NCKAP1: variants seen among roughly 807,000 people sequenced by gnomAD.
NCKAP1 encodes the protein NCK associated protein 1.
A neutral mutation model predicts 151.2 loss-of-function variants in NCKAP1; 21 were observed. That is an observed-to-expected ratio of 0.14 (90% CI 0.10 to 0.20). The LOEUF is 0.20. Among genes scored for constraint, NCKAP1 ranks in the 10% least tolerant of loss-of-function variants. The pLI, the probability that NCKAP1 is intolerant of heterozygous loss-of-function variation, is 1.00. For missense variants in NCKAP1, 933 were observed against 1,352.1 expected (o/e 0.69, Z 4.86); for synonymous variants, 484 against 451.8 (o/e 1.07, Z -0.90).
chr2:182,934,389 T>TGCCA (rs1170924950), intron 26 of NCKAP1: 1 of 153,678 alleles, frequency 6.5e-6, no homozygotes, highest in African/African-American at 2.4e-5. Flanking sequence ...CCTCGTGATC[T>TGCCA]GCCAGCCTCG....
chr2:182,973,408 A>C (rs1224318506), intron 15 of NCKAP1, among the ~76,000 whole-genome samples: 1 of 152,194 alleles, frequency 6.6e-6, no homozygotes, highest in African/African-American at 2.4e-5. Context: ...AAAAATGCTT[A>C]AGGGACTGAT....
chr2:182,994,800 G>A (rs1336761710), intron 8 of NCKAP1, 39 bp downstream of exon 8: 2 of 1,520,878 alleles, frequency 1.3e-6, no homozygotes, highest in Admixed American at 1.7e-5. Flanking sequence ...AAAACATAAA[G>A]CCTGGGGAGT....
At chr2:182,960,459 C>T (rs1423181294) in intron 18 of NCKAP1, among the ~76,000 whole-genome samples, 2 of 152,134 alleles carry the variant, frequency 1.3e-5, no homozygotes, top group African/African-American at 4.8e-5. Context: ...TTTGACAAAC[C>T]TGAGAAAAAC....
rs564830799 is a variant in NCKAP1 at position 182,912,678 on chromosome 2, G to C, written c.*13024C>G. On this transcript the variant is annotated 3_prime_UTR_variant, in exon 31 of 31. Transcript: ENST00000361354. ...TAATAAAAATGGAATTTGAATGTTA[G>C]AGTGCAACCTGACAAAATGATTTAT... 1 of 152,330 alleles carries C rather than the reference G, an allele frequency of 6.6e-6. No homozygotes were observed. The highest frequency in any genetic ancestry group is 1.9e-4 in the East Asian group (1 of 5,188). The allele number at this position is 152,330 out of a possible 1,614,324, so 9.4% of individuals were successfully genotyped here. A position where few individuals can be genotyped will look rare whatever the true frequency, so the allele number is the denominator to read the frequency against.
At chr2:182,942,240 C>A in intron 23 of NCKAP1, 77 bp from the exon 24 acceptor site, 1 of 1,076,368 alleles carries the variant, frequency 9.3e-7, no homozygotes, top group Non-Finnish European at 1.4e-6. Context: ...TTGGAAATTA[C>A]AATCTGGCAA....
At chr2:183,033,038 G>C (rs1385401398) in intron 1 of NCKAP1, among the ~76,000 whole-genome samples, 2 of 152,164 alleles carry the variant, frequency 1.3e-5, no homozygotes, top group Non-Finnish European at 2.9e-5. Context: ...GACAGAGCTA[G>C]ACCCTGTCTC....
chr2:182,990,417 G>A (rs1252441193), intron 8 of NCKAP1, among the ~76,000 whole-genome samples: 1 of 152,080 alleles, frequency 6.6e-6, no homozygotes, highest in Non-Finnish European at 1.5e-5. Context: ...CTAGGACTTA[G>A]CCCCAATTAT....
intron 2 of NCKAP1, among the ~76,000 whole-genome samples, chr2:183,010,473 C>G (rs1698571782): frequency 6.6e-6 from 1 of 152,144 alleles, no homozygotes; most frequent in Non-Finnish European, 1.5e-5. Context: ...CCCAGTCAAC[C>G]CACAGAATCA....
rs1462080200 is a variant in NCKAP1 at position 183,025,064 on chromosome 2, G to A, written c.109-1148C>T. 1.2e-5 allele frequency: 18 copies of A among 1,474,402 alleles called. 1 individual carries two copies. Among genetic ancestry groups the A allele is most frequent in the Non-Finnish European group, 1.7e-5 (18 of 1,065,710 alleles). The allele number at this position is 1,474,402 out of a possible 1,614,324, so 91.3% of individuals were successfully genotyped here. On this transcript the variant is annotated intron_variant, in intron 1 of 30. Transcript: ENST00000361354. ...CAATGATTGTCAAACTATGATATAC[G>A]TTTCAGAAGAAAACTTATGCACTGC...
chr2:182,964,917 T>G, intron 16 of NCKAP1, 109 bp from the exon 17 acceptor site: 1 of 746,800 alleles, frequency 1.3e-6, no homozygotes, highest in Non-Finnish European at 2.0e-6. Flanking sequence ...CTGGTAGCAC[T>G]GATTTAAGAA....
rs1004650850 is a variant in NCKAP1, at chr2:182,918,913, T to C, written c.*6789A>G. The C allele has an allele frequency of 6.6e-6, 1 of 152,222 alleles. No individual in the cohort carries two copies. Among genetic ancestry groups the C allele is most frequent in the African/African-American group, 2.4e-5 (1 of 41,458 alleles). The allele number at this position is 152,222 out of a possible 1,614,324, so 9.4% of individuals were successfully genotyped here. A position where few individuals can be genotyped will look rare whatever the true frequency, so the allele number is the denominator to read the frequency against. On this transcript the variant is annotated 3_prime_UTR_variant, in exon 31 of 31. Transcript: ENST00000361354. The stretch of plus-strand genomic sequence containing the variant: ...CATTTGAGAGATCTGAGACACAGTT[T>C]AATGAGAAGAACACAACTCTGGGGC...
At chr2:183,003,196 T>A in intron 3 of NCKAP1, 37 bp downstream of exon 3, 1 of 1,292,804 alleles carries the variant, frequency 7.7e-7, no homozygotes, top group Non-Finnish European at 1.1e-6. Context: ...TTAAATCTAC[T>A]TCTGAAGTGT....
chr2:183,002,059 T>A lies in NCKAP1; in HGVS notation c.513-16A>T. 6.2e-7 allele frequency: 1 copy of A among 1,612,842 alleles called. No individual in the cohort carries two copies. Among genetic ancestry groups the A allele is most frequent in the Non-Finnish European group, 8.5e-7 (1 of 1,179,038 alleles). On this transcript the variant is annotated splice_polypyrimidine_tract_variant and intron_variant, in intron 5 of 30. Transcript: ENST00000361354. ...TTCTCTGTCACTTAAAACAGACATA[T>A]CAAATTTCAATGAGTTGTAATCCAT...
At chr2:182,991,051 T>G (rs1698159044) in intron 8 of NCKAP1, among the ~76,000 whole-genome samples, 1 of 152,202 alleles carries the variant, frequency 6.6e-6, no homozygotes, top group South Asian at 2.1e-4. Flanking sequence ...TGTACTTGAC[T>G]TTCCACCCTA....
rs747935163 is a variant in NCKAP1 at position 182,909,467 on chromosome 2, G to T, written c.*16235C>A. 1 of 152,106 alleles carries T rather than the reference G, an allele frequency of 6.6e-6. No homozygotes were observed. The highest frequency in any genetic ancestry group is 6.6e-5 in the Admixed American group (1 of 15,266). 9.4% of individuals were successfully genotyped at this position (152,106 alleles called of 1,614,324 possible). ...TACAATATCTGTTCTTTTGTGGCTG[G>T]CTTATTTCACTCAGCATAATTAATG... On this transcript the variant is annotated 3_prime_UTR_variant, in exon 31 of 31. Transcript: ENST00000361354.
Position 182,909,247 on chromosome 2 carries a change from T to C in NCKAP1, c.*16455A>G, listed in dbSNP as rs188804650. The C allele has an allele frequency of 2.7e-4, 41 of 152,324 alleles. No homozygotes were observed. In the East Asian group the frequency reaches 7.3e-3, roughly 27 times the overall value. The allele number at this position is 152,324 out of a possible 1,614,324, so 9.4% of individuals were successfully genotyped here. A position where few individuals can be genotyped will look rare whatever the true frequency, so the allele number is the denominator to read the frequency against. On this transcript the variant is annotated 3_prime_UTR_variant, in exon 31 of 31. Coordinates refer to ENST00000361354, the MANE Select transcript of NCKAP1 (RefSeq NM_013436.5). ...AACCATTTTTAAGCATACAGTTCTG[T>C]GGCATTAAGTACATTCATGTTGCTG...
rs376444283 is a variant in NCKAP1, at chr2:182,982,835, G to A, written c.1194C>T (p.Asp398=). Residue 398 remains aspartate, a synonymous_variant, in exon 12 of 31, where the codon GAC becomes GAT. Coordinates refer to ENST00000361354, the MANE Select transcript of NCKAP1 (RefSeq NM_013436.5). ...TGCTAACTTACTTATCTATAAAGTCGTCTGCACTCTTCTTTGGCATGTTAT... is the reference window on the plus strand; with the variant it reads ...TGCTAACTTACTTATCTATAAAGTCATCTGCACTCTTCTTTGGCATGTTAT... The part of the protein sequence containing the change: ...HADNMPKKSA[D]DFIDKHIAEL... The A allele has an allele frequency of 6.2e-5, 100 of 1,604,832 alleles. No homozygotes were observed. The highest frequency in any genetic ancestry group is 1.6e-4 in the East Asian group (7 of 44,778).
intron 1 of NCKAP1, among the ~76,000 whole-genome samples, chr2:183,029,869 A>G (rs1698973115): frequency 6.6e-6 from 1 of 151,900 alleles, no homozygotes; most frequent in Admixed American, 6.6e-5. Context: ...ACAACAAAAT[A>G]ATCAAGATAC....
chr2:182,962,105 T>C, intron 18 of NCKAP1, 54 bp downstream of exon 18: 1 of 1,547,280 alleles, frequency 6.5e-7, no homozygotes, highest in South Asian at 1.2e-5. Context: ...TAAAAGCACA[T>C]TTTCTTGCCT....
Sources: gnomAD v4.1 joint callset for allele counts (sites outside exome capture counted in the v4.1 genomes callset) on GRCh38, gnomAD v4.1.1 for gene constraint, MANE v1.5 for transcripts, NCBI Gene and HGNC (gene_info 2026-07-23, HGNC 2026-07-21) for gene names.